COL8A1: variants seen among roughly 807,000 people sequenced by gnomAD.
The protein encoded by COL8A1 is collagen type VIII alpha 1 chain.
A neutral mutation model predicts 42.7 loss-of-function variants in COL8A1; 21 were observed. That is an observed-to-expected ratio of 0.49 (90% confidence interval 0.35 to 0.71). The LOEUF (loss-of-function observed/expected upper bound fraction) is 0.71, where lower values mean the gene tolerates loss of function less well. Among genes scored for constraint, COL8A1 ranks in the 30% least tolerant of loss-of-function variants. COL8A1 has a pLI of 0.01. For missense variants in COL8A1, 788 were observed against 962.4 expected (o/e 0.82, Z 2.40); for synonymous variants, 367 against 369.1 (o/e 0.99, Z 0.06).
intron 1 of COL8A1, among the ~76,000 whole-genome samples, chr3:99,720,709 T>C (rs954785486): frequency 4.6e-5 from 7 of 152,268 alleles, no homozygotes; most frequent in Admixed American, 6.5e-5. Context: ...TGGCTCATCA[T>C]AGCAAAATGA....
chr3:99,684,203 C>T (rs958449227), intron 1 of COL8A1, among the ~76,000 whole-genome samples: 3 of 152,170 alleles, frequency 2.0e-5, no homozygotes, highest in Non-Finnish European at 4.4e-5. Context: ...GCTCTCTTCT[C>T]AAATTTAGTC....
intron 2 of COL8A1, among the ~76,000 whole-genome samples, chr3:99,779,474 T>C (rs1011526041): frequency 6.6e-6 from 1 of 152,178 alleles, no homozygotes; most frequent in Non-Finnish European, 1.5e-5. Context: ...AACCTGCTGC[T>C]ATCACCTGGC....
At chr3:99,766,427 C>A (rs1330165915) in intron 2 of COL8A1, among the ~76,000 whole-genome samples, 1 of 152,172 alleles carries the variant, frequency 6.6e-6, no homozygotes, top group African/African-American at 2.4e-5. Flanking sequence ...TCAATCCATG[C>A]ACTTAAGGCT....
intron 1 of COL8A1, among the ~76,000 whole-genome samples, chr3:99,694,933 A>G (rs1939325802): frequency 6.6e-6 from 1 of 152,216 alleles, no homozygotes; most frequent in Non-Finnish European, 1.5e-5. Flanking sequence ...GTAAACTCTT[A>G]TAAAAGACAG....
intron 1 of COL8A1, among the ~76,000 whole-genome samples, chr3:99,687,226 T>C (rs1485533530): frequency 1.3e-5 from 2 of 152,284 alleles, no homozygotes; most frequent in East Asian, 3.9e-4. Context: ...GGTCAAAGAA[T>C]TAAAATTCAA....
intron 1 of COL8A1, among the ~76,000 whole-genome samples, chr3:99,721,130 TC>T (rs1940139471): frequency 6.6e-6 from 1 of 151,956 alleles, no homozygotes; most frequent in Admixed American, 6.6e-5. Flanking sequence ...AAACATGCCA[TC>T]CCCTTTGCTC....
intron 1 of COL8A1, among the ~76,000 whole-genome samples, chr3:99,697,316 T>G (rs915809523): frequency 2.0e-5 from 3 of 152,120 alleles, no homozygotes; most frequent in African/African-American, 4.8e-5. Flanking sequence ...AGAACTTGAG[T>G]GTATATTTCA....
intron 2 of COL8A1, among the ~76,000 whole-genome samples, chr3:99,765,852 T>C (rs150271347): frequency 4.0e-4 from 61 of 152,328 alleles, no homozygotes; most frequent in African/African-American, 1.4e-3. Context: ...CTTATCAAAA[T>C]TACTAAAATT....
At chr3:99,647,741 T>A (rs936668331) in intron 1 of COL8A1, among the ~76,000 whole-genome samples, 2 of 152,234 alleles carry the variant, frequency 1.3e-5, no homozygotes, top group African/African-American at 4.8e-5. Context: ...GCCAAATATT[T>A]TCTTTGAGCA....
chr3:99,646,147 G>C (rs1211824181), intron 1 of COL8A1, among the ~76,000 whole-genome samples: 5 of 152,278 alleles, frequency 3.3e-5, no homozygotes, highest in African/African-American at 1.2e-4. Flanking sequence ...GCTGTGTGGG[G>C]ATGGCTTGTT....
intron 1 of COL8A1, among the ~76,000 whole-genome samples, chr3:99,721,744 A>T (rs1940161807): frequency 6.6e-6 from 1 of 152,172 alleles, no homozygotes; most frequent in Non-Finnish European, 1.5e-5. Context: ...TTTTCAAGTC[A>T]AGCAGAAAAT....
intron 1 of COL8A1, among the ~76,000 whole-genome samples, chr3:99,670,013 A>G (rs1938493296): frequency 6.6e-6 from 1 of 152,072 alleles, no homozygotes; most frequent in South Asian, 2.1e-4. Context: ...AAAACAGGCA[A>G]TACATCACCT....
rs544072107 is a variant in COL8A1 at position 99,684,520 on chromosome 3, AT to A, written c.-129+45858del. On this transcript the variant is annotated intron_variant, in intron 1 of 3. Coordinates refer to ENST00000652472, the MANE Select transcript of COL8A1 (RefSeq NM_020351.4). ...ATACATAAGGCATATTGAATGAGCA[AT>A]TGTTAATCTTTATTAAGAGTTTATC... 4.6e-5 allele frequency among the ~76,000 whole-genome samples: 7 copies of A among 152,310 alleles called. No individual in the cohort carries two copies. The South Asian group carries it at 1.5e-3, about 32-fold the overall frequency.
Position 99,794,317 on chromosome 3 carries a change from G to A in COL8A1, c.416G>A (p.Gly139Asp). 1 of 1,613,918 alleles carries A rather than the reference G, an allele frequency of 6.2e-7. No individual in the cohort carries two copies. ...RGPPGPPGLP[G>D]HGIPGIKGKP... Reference sequence around the variant, plus strand: ...CCACCTGGGCCCCCTGGTTTGCCAGGTCATGGGATACCTGGAATTAAAGGA... The same window carrying A: ...CCACCTGGGCCCCCTGGTTTGCCAGATCATGGGATACCTGGAATTAAAGGA... Residue 139 changes from glycine to aspartate, a missense_variant, in exon 4 of 4, where the codon GGT (glycine) becomes GAT (aspartate). Gly to Asp is a moderately conservative substitution (Grantham distance 94, BLOSUM62 -1). Transcript: ENST00000652472. This position sits in a 1 kb window ranked among gnomAD's most constrained non-coding sequence, Gnocchi z 4.3.
At chr3:99,700,833 C>A (rs1005733452) in intron 1 of COL8A1, among the ~76,000 whole-genome samples, 1 of 152,132 alleles carries the variant, frequency 6.6e-6, no homozygotes, top group African/African-American at 2.4e-5. Context: ...CATACACACA[C>A]CCTGGCCATG....
chr3:99,718,421 G>C (rs968669796), intron 1 of COL8A1, among the ~76,000 whole-genome samples: 7 of 152,044 alleles, frequency 4.6e-5, no homozygotes, highest in Non-Finnish European at 1.0e-4. Context: ...TCTTAGTTAA[G>C]TTCTGGGAAT....
intron 1 of COL8A1, among the ~76,000 whole-genome samples, chr3:99,725,601 T>C: frequency 7.9e-6 from 1 of 127,032 alleles, no homozygotes; most frequent in East Asian, 2.5e-4. Context: ...GACTGTGATG[T>C]TCCCCTTCCT....
intron 1 of COL8A1, among the ~76,000 whole-genome samples, chr3:99,687,933 G>A (rs896346800): frequency 3.9e-5 from 6 of 152,124 alleles, no homozygotes; most frequent in Non-Finnish European, 5.9e-5. Flanking sequence ...GTAAAAGAAA[G>A]CAGCACAAGA....
chr3:99,747,584 C>T (rs1324177408), intron 2 of COL8A1, among the ~76,000 whole-genome samples: 1 of 152,190 alleles, frequency 6.6e-6, no homozygotes, highest in African/African-American at 2.4e-5. Context: ...AGTGGGGAAA[C>T]CACAGTTCAT....
Sources: gnomAD v4.1 joint callset for allele counts (sites outside exome capture counted in the v4.1 genomes callset) on GRCh38, gnomAD v4.1.1 for gene constraint, Gnocchi (gnomAD v3.1) non-coding constraint, MANE v1.5 for transcripts, NCBI Gene and HGNC (gene_info 2026-07-23, HGNC 2026-07-21) for gene names.